PDE4D: variants seen among roughly 807,000 people sequenced by gnomAD.
The protein encoded by PDE4D is phosphodiesterase 4D, also known as 3',5'-cyclic-AMP phosphodiesterase 4D.
A neutral mutation model predicts 87.4 loss-of-function variants in PDE4D; 24 were observed. The ratio of observed to expected loss-of-function variants is 0.27; its 90% CI spans 0.20 to 0.39. The LOEUF (loss-of-function observed/expected upper bound fraction) is 0.39, where lower values mean the gene tolerates loss of function less well. PDE4D is among the 10% of genes least tolerant of loss of function. The pLI is 1.00. For missense variants in PDE4D, 714 were observed against 1,041.0 expected (o/e 0.69, Z 4.32); for synonymous variants, 384 against 383.2 (o/e 1.00, Z -0.02).
At chr5:59,139,803 T>TA (rs1488942565) in intron 5 of PDE4D, among the ~76,000 whole-genome samples, 1 of 151,826 alleles carries the variant, frequency 6.6e-6, no homozygotes, top group African/African-American at 2.4e-5. Flanking sequence ...AGAAAAAAAC[T>TA]AAAAAACTAA....
chr5:59,267,776 G>A (rs1475833315), intron 1 of PDE4D, among the ~76,000 whole-genome samples: 1 of 151,980 alleles, frequency 6.6e-6, no homozygotes, highest in Non-Finnish European at 1.5e-5. Context: ...TTCCTATAAG[G>A]GTACTTTGGA....
At chr5:59,896,395 A>G (rs1751657097), upstream of PDE4D, among the ~76,000 whole-genome samples, 1 of 152,170 alleles carries the variant, frequency 6.6e-6, no homozygotes, top group Admixed American at 6.5e-5. Context: ...TGTTGAACCT[A>G]GAGCAGTGAT....
rs181382987 is a variant in PDE4D at position 60,046,375 on chromosome 5, T to C, written c.43-57658A>G. On this transcript the variant is annotated intron_variant, in intron 2 of 16. Transcript: ENST00000502484. Reference sequence around the variant, plus strand: ...CCCTTTATTTCCTTCTCCTGCCTAATTGCTCTGGTCAGAACTTCCAACACT... The same window carrying C: ...CCCTTTATTTCCTTCTCCTGCCTAACTGCTCTGGTCAGAACTTCCAACACT... 1.8e-3 allele frequency among the ~76,000 whole-genome samples: 268 copies of C among 152,314 alleles called. 1 individual carries two copies. Among genetic ancestry groups the C allele is most frequent in the African/African-American group, 5.8e-3 (239 of 41,546 alleles).
chr5:59,979,338 T>A (rs1761665400), intron 3 of PDE4D, among the ~76,000 whole-genome samples: 1 of 141,474 alleles, frequency 7.1e-6, no homozygotes, highest in African/African-American at 2.5e-5. Context: ...TTCTAAATAT[T>A]ATTTATATAT....
rs754869518 is a variant in PDE4D, at chr5:59,754,797, A to ATTTTTTTTTT, written c.455+138361_455+138370dup. Among the ~76,000 whole-genome samples the ATTTTTTTTTT allele has an allele frequency of 1.0e-3, 97 of 96,904 alleles. 38 individuals carry two copies. Among genetic ancestry groups the ATTTTTTTTTT allele is most frequent in the South Asian group, 1.4e-3 (4 of 2,770 alleles). 63.6% of individuals were successfully genotyped at this position (96,904 alleles called of 152,430 possible). A position where few individuals can be genotyped will look rare whatever the true frequency, so the allele number is the denominator to read the frequency against. On this transcript the variant is annotated intron_variant, in intron 1 of 14. Transcript: ENST00000340635. The stretch of plus-strand genomic sequence containing the variant: ...GCAGGTACAGAATTTTCCACAGAAC[A>ATTTTTTTTTT]TTTTTTTTTTTTTTTTTTTTTTTTT...
At chr5:59,081,830 A>C (rs1766829199) in intron 5 of PDE4D, among the ~76,000 whole-genome samples, 1 of 152,184 alleles carries the variant, frequency 6.6e-6, no homozygotes, top group African/African-American at 2.4e-5. Context: ...TGCCCTAACC[A>C]AAATCTCATC....
chr5:60,515,381 A>T (rs1462376820), intron 1 of PDE4D, among the ~76,000 whole-genome samples: 2 of 152,144 alleles, frequency 1.3e-5, no homozygotes, highest in Admixed American at 1.3e-4. Context: ...TAGTCTTTCT[A>T]TCCATGCATA....
intron 1 of PDE4D, among the ~76,000 whole-genome samples, chr5:60,432,333 C>T (rs1660073512): frequency 6.6e-6 from 1 of 152,098 alleles, no homozygotes; most frequent in South Asian, 2.1e-4. Flanking sequence ...GGAATGGTAC[C>T]AGCTCTACTT....
At chr5:59,115,175 CATA>C (rs1773385157) in intron 5 of PDE4D, among the ~76,000 whole-genome samples, 1 of 151,960 alleles carries the variant, frequency 6.6e-6, no homozygotes, top group African/African-American at 2.4e-5. Flanking sequence ...GAAATCTTAC[CATA>C]ATATAGAAGA....
At chr5:59,603,005 C>A (rs944039348) in intron 1 of PDE4D, among the ~76,000 whole-genome samples, 3 of 151,946 alleles carry the variant, frequency 2.0e-5, no homozygotes, top group African/African-American at 7.2e-5. Flanking sequence ...AAATATAAAC[C>A]TTTATCTCAT....
At chr5:59,144,080 CG>C (rs1325800336) in intron 5 of PDE4D, among the ~76,000 whole-genome samples, 6 of 152,176 alleles carry the variant, frequency 3.9e-5, no homozygotes, top group Non-Finnish European at 8.8e-5. Flanking sequence ...AAGAAACCAT[CG>C]GGGGTTTCTC....
intron 1 of PDE4D, among the ~76,000 whole-genome samples, chr5:59,819,473 A>G (rs1769388394): frequency 6.6e-6 from 1 of 152,156 alleles, no homozygotes; most frequent in Non-Finnish European, 1.5e-5. Context: ...ACACCACAGC[A>G]TTGCCCATCA....
rs926907727 is a variant in PDE4D, at chr5:60,380,944, G to A, written c.-90+106998C>T. Among the ~76,000 whole-genome samples the A allele has an allele frequency of 3.3e-5, 5 of 152,078 alleles. 1 individual carries two copies. The highest frequency in any genetic ancestry group is 4.1e-4 in the South Asian group (2 of 4,822). The stretch of plus-strand genomic sequence containing the variant: ...AACCAACAAAGCTTGGTGATTTTTC[G>A]TGCATGTGTAGTAAGATTAACTCAG... On this transcript the variant is annotated intron_variant, in intron 1 of 16. Transcript: ENST00000502484.
At chr5:60,386,479 C>T (rs1007447565) in intron 1 of PDE4D, among the ~76,000 whole-genome samples, 3 of 152,170 alleles carry the variant, frequency 2.0e-5, no homozygotes, top group Non-Finnish European at 4.4e-5. Flanking sequence ...TTAGATACTC[C>T]TAAAAGGAAG....
chr5:59,843,747 C>CA (rs1379252624), intron 1 of PDE4D, among the ~76,000 whole-genome samples: 6 of 152,046 alleles, frequency 3.9e-5, no homozygotes, highest in African/African-American at 1.2e-4. Context: ...CTGTGAGCTT[C>CA]AAGTCCACTG....
chr5:59,856,444 T>C (rs1745455368), intron 1 of PDE4D, among the ~76,000 whole-genome samples: 1 of 152,202 alleles, frequency 6.6e-6, no homozygotes, highest in Admixed American at 6.6e-5. Flanking sequence ...GTTAAATGCA[T>C]AAATCTCCCA....
intron 3 of PDE4D, among the ~76,000 whole-genome samples, chr5:59,971,424 C>CAG (rs1327355378): frequency 4.0e-5 from 6 of 151,546 alleles, no homozygotes; most frequent in African/African-American, 1.2e-4. Context: ...GAGGAAGAGA[C>CAG]AGAGAGAGAA....
intron 1 of PDE4D, among the ~76,000 whole-genome samples, chr5:59,490,417 A>AT (rs904607268): frequency 6.6e-6 from 1 of 152,074 alleles, no homozygotes; most frequent in Non-Finnish European, 1.5e-5. Flanking sequence ...CTTTTATCTC[A>AT]TTTTTTAAGA....
intron 2 of PDE4D, among the ~76,000 whole-genome samples, chr5:60,150,588 G>T (rs78548532): frequency 6.6e-6 from 1 of 151,932 alleles, no homozygotes; most frequent in South Asian, 2.1e-4. Context: ...AAATACTTTC[G>T]CATGGTAAAT....
Sources: allele counts gnomAD v4.1 joint callset (sites outside exome capture counted in the v4.1 genomes callset), GRCh38; gene constraint gnomAD v4.1.1; transcripts MANE v1.5; gene names NCBI Gene and HGNC (gene_info 2026-07-23, HGNC 2026-07-21).